The following MEI4 variants were observed in gnomAD, a reference collection of about 807,000 sequenced individuals.
The protein encoded by MEI4 is meiosis-specific protein MEI4.
A neutral mutation model predicts 31.4 loss-of-function variants in MEI4; 27 were observed. The ratio of observed to expected loss-of-function variants is 0.86; its 90% CI spans 0.63 to 1.19. The LOEUF (loss-of-function observed/expected upper bound fraction) is 1.19, where lower values mean the gene tolerates loss of function less well. Among genes scored for constraint, MEI4 ranks in the 50% most tolerant of loss-of-function variants. MEI4 has a pLI of 0.00. For missense variants in MEI4, 329 were observed against 398.9 expected (o/e 0.82, Z 1.49); for synonymous variants, 122 against 145.4 (o/e 0.84, Z 1.16).
At chr6:77,664,885 G>A (rs1263239074) in intron 1 of MEI4, among the ~76,000 whole-genome samples, 2 of 152,074 alleles carry the variant, frequency 1.3e-5, no homozygotes, top group African/African-American at 4.8e-5. Context: ...GTTTGTATTG[G>A]GGTCAAGCGG....
At chr6:77,668,233 G>A (rs16889290) in intron 1 of MEI4, among the ~76,000 whole-genome samples, 12,571 of 152,174 alleles carry the variant, frequency 0.083, 714 homozygotes, top group East Asian at 0.22. Context: ...GCAGGGGAGA[G>A]CATGAAGGTT....
intron 4 of MEI4, among the ~76,000 whole-genome samples, chr6:77,873,764 C>G (rs1417682786): frequency 2.0e-5 from 3 of 152,110 alleles, no homozygotes; most frequent in African/African-American, 7.2e-5. Flanking sequence ...TTTAATCCAT[C>G]TTGAATTAAT....
At chr6:77,679,057 A>T (rs1274061149) in intron 1 of MEI4, among the ~76,000 whole-genome samples, 1 of 152,232 alleles carries the variant, frequency 6.6e-6, no homozygotes, top group Non-Finnish European at 1.5e-5. Flanking sequence ...AGCTAAGTGT[A>T]ATTAAAAAAA....
intron 4 of MEI4, among the ~76,000 whole-genome samples, chr6:77,892,445 A>G (rs1404718334): frequency 6.6e-6 from 1 of 152,180 alleles, no homozygotes; most frequent in Admixed American, 6.5e-5. Context: ...TTACCCCTGG[A>G]TCTCCAGATG....
In MEI4 at chr6:77,791,695, AAT is replaced by A. The variant is rs1561990174; in HGVS notation, c.768+30033_768+30034del. ...TTAAAGTATAAAAAAAAAAAAAAGA[AAT>A]ATCTGTACATTGTGGAGTGGCTAAA... On this transcript the variant is annotated intron_variant, in intron 3 of 4. Coordinates refer to ENST00000684080, the MANE Select transcript of MEI4 (RefSeq NM_001322247.2). Among the ~76,000 whole-genome samples the A allele has an allele frequency of 5.8e-4, 87 of 150,864 alleles. 1 individual carries two copies. Among genetic ancestry groups the A allele is most frequent in the East Asian group, 3.4e-3 (17 of 4,984 alleles).
intron 3 of MEI4, 106 bp downstream of exon 3, chr6:77,761,771 C>A: frequency 1.4e-6 from 1 of 720,732 alleles, no homozygotes; most frequent in Non-Finnish European, 1.9e-6. Flanking sequence ...TCAAGGAATC[C>A]CTTATTGGGT....
In MEI4 at chr6:77,855,011, G is replaced by T. The variant is rs534660442; in HGVS notation, c.900+25949G>T. Among the ~76,000 whole-genome samples the T allele has an allele frequency of 7.9e-5, 12 of 152,154 alleles. No individual in the cohort carries two copies. The East Asian group carries it at 2.3e-3, about 29-fold the overall frequency. On this transcript the variant is annotated intron_variant, in intron 4 of 4. Transcript: ENST00000684080. ...GGGAGGGGGGCGGTTAGCCCTTCCT[G>T]TATGTAGAAATTGTGCTAGATACTT...
chr6:77,913,058 A>G (rs1392907072), intron 4 of MEI4, among the ~76,000 whole-genome samples: 1 of 152,134 alleles, frequency 6.6e-6, no homozygotes, highest in Admixed American at 6.6e-5. Flanking sequence ...ATCTGCATCT[A>G]TTGAGATGAT....
At chr6:77,654,120 G>A (rs963985076) in intron 1 of MEI4, among the ~76,000 whole-genome samples, 4 of 152,170 alleles carry the variant, frequency 2.6e-5, no homozygotes, top group African/African-American at 9.7e-5. Context: ...AATGAAATGT[G>A]GTTTATAGAA....
At chr6:77,790,668 C>T (rs1010690827) in intron 3 of MEI4, among the ~76,000 whole-genome samples, 6 of 151,952 alleles carry the variant, frequency 3.9e-5, no homozygotes, top group Non-Finnish European at 7.4e-5. Flanking sequence ...GCAAGATCAA[C>T]CCAAAGAAAA....
chr6:77,676,083 G>A (rs533704943), intron 1 of MEI4, among the ~76,000 whole-genome samples: 5 of 152,054 alleles, frequency 3.3e-5, no homozygotes, highest in East Asian at 3.9e-4. Context: ...TGGGTGGTCC[G>A]TGTCCAGATT....
At chr6:77,730,295 C>T (rs1355540182) in intron 2 of MEI4, among the ~76,000 whole-genome samples, 1 of 152,154 alleles carries the variant, frequency 6.6e-6, no homozygotes, top group Non-Finnish European at 1.5e-5. Flanking sequence ...GGTGGATTCA[C>T]TGTTACACTT....
rs1051428565 is a variant in MEI4, at chr6:77,686,596, G to C, written c.-14-4062G>C. On this transcript the variant is annotated intron_variant, in intron 1 of 4. Coordinates refer to ENST00000684080, the MANE Select transcript of MEI4 (RefSeq NM_001322247.2). ...TATTTTCAAAAACATTTTTAGTTGAGTTATATGATATATCACAATTTGATC... is the reference window on the plus strand; with the variant it reads ...TATTTTCAAAAACATTTTTAGTTGACTTATATGATATATCACAATTTGATC... 2.0e-5 allele frequency among the ~76,000 whole-genome samples: 3 copies of C among 152,096 alleles called. No homozygotes were observed. In the South Asian group the frequency reaches 6.2e-4, roughly 32 times the overall value.
Position 77,699,056 on chromosome 6 carries a change from G to T in MEI4, c.232+8153G>T, listed in dbSNP as rs370929175. Among the ~76,000 whole-genome samples, 58 of 152,026 alleles carry T rather than the reference G, an allele frequency of 3.8e-4. No individual in the cohort carries two copies. In the East Asian group the frequency reaches 7.9e-3, roughly 21 times the overall value. On this transcript the variant is annotated intron_variant, in intron 2 of 4. Transcript: ENST00000684080. ...CTGATACCCTTTCTTCCAGTTGATC[G>T]CATCGGCTCCTGAGGCTTCTGCATT...
At chr6:77,876,060 T>C (rs1257844609) in intron 4 of MEI4, among the ~76,000 whole-genome samples, 1 of 152,332 alleles carries the variant, frequency 6.6e-6, no homozygotes, top group African/African-American at 2.4e-5. Flanking sequence ...TTCAGAGCCA[T>C]AGACACTTTG....
Position 77,829,019 on chromosome 6 carries a change from C to A in MEI4, c.857C>A (p.Ser286Ter). The A allele has an allele frequency of 1.6e-6, 2 of 1,231,894 alleles. No homozygotes were observed. Among genetic ancestry groups the A allele is most frequent in the Non-Finnish European group, 2.0e-6 (2 of 987,768 alleles). The allele number at this position is 1,231,894 out of a possible 1,614,324, so 76.3% of individuals were successfully genotyped here. ...LRKSIISLLLSEVNGFADDLG... is the reference protein window; with the variant it reads ...LRKSIISLLL Reference sequence around the variant, plus strand: ...AAATCTATTATATCTCTGCTTCTATCAGAAGTAAATGGCTTTGCTGATGAT... The same window carrying A: ...AAATCTATTATATCTCTGCTTCTATAAGAAGTAAATGGCTTTGCTGATGAT... Residue 286 changes from serine (S) to a stop codon, truncating the protein, a stop_gained, in exon 4 of 5, where the codon TCA becomes TAA. Transcript: ENST00000684080. LOFTEE classifies it high-confidence loss of function.
Position 77,923,889 on chromosome 6 carries a change from C to A in MEI4, c.*543C>A, listed in dbSNP as rs1461473076. ...TTTTTAACATTTGGAAACTTAATTG[C>A]TTTTTATTTATTTCAATTTCATATG... is the stretch of plus-strand genomic sequence containing the variant. On this transcript the variant is annotated 3_prime_UTR_variant, in exon 5 of 5. Coordinates refer to ENST00000684080, the MANE Select transcript of MEI4 (RefSeq NM_001322247.2). 6.6e-6 allele frequency: 1 copy of A among 151,646 alleles called. No individual in the cohort carries two copies. Among genetic ancestry groups the A allele is most frequent in the South Asian group, 2.1e-4 (1 of 4,826 alleles). The allele number at this position is 151,646 out of a possible 1,614,324, so 9.4% of individuals were successfully genotyped here. A position where few individuals can be genotyped will look rare whatever the true frequency, so the allele number is the denominator to read the frequency against.
chr6:77,919,480 T>G (rs1462638330), intron 4 of MEI4, among the ~76,000 whole-genome samples: 1 of 151,800 alleles, frequency 6.6e-6, no homozygotes. Context: ...ACCAGAATCT[T>G]TGGGATGCAT....
At chr6:77,880,337 T>A (rs1771452913) in intron 4 of MEI4, among the ~76,000 whole-genome samples, 1 of 151,922 alleles carries the variant, frequency 6.6e-6, no homozygotes, top group African/African-American at 2.4e-5. Context: ...CTCACGCCAT[T>A]CTCCTGCCTC....
Sources: allele counts gnomAD v4.1 joint callset (sites outside exome capture counted in the v4.1 genomes callset), GRCh38; gene constraint gnomAD v4.1.1; transcripts MANE v1.5; gene names NCBI Gene and HGNC (gene_info 2026-07-23, HGNC 2026-07-21).